Variants in CFAP47 observed in about 807,000 individuals in gnomAD.
CFAP47 encodes cilia- and flagella-associated protein 47.
In CFAP47, 29 loss-of-function variants were observed where a neutral mutation model predicts 148.1. That is an observed-to-expected ratio of 0.20 (90% CI 0.15 to 0.27). The LOEUF (loss-of-function observed/expected upper bound fraction) is 0.27. Among genes scored for constraint, CFAP47 ranks in the 10% least tolerant of loss-of-function variants. The pLI is 1.00. For missense variants in CFAP47, 1,872 were observed against 1,697.5 expected, an observed-to-expected ratio of 1.10 and a Z score of -1.81; for synonymous variants, 664 against 577.3, an observed-to-expected ratio of 1.15 and a Z score of -2.15.
chrX:35,951,961 A>T lies in CFAP47; in HGVS notation c.1044A>T (p.Pro348=). The change falls in exon 6 of 64, where the codon CCA becomes CCT. Residue 348 remains proline (P), a splice_region_variant and synonymous_variant. Coordinates refer to ENST00000378653, the MANE Select transcript of CFAP47 (RefSeq NM_001304548.2). ...QKTVITFCFT[P]KLMAVGKKDI... ...CTGTAATTACATTTTGTTTCACCCC[A>T]AAGTAAGCAAAAATTAATTTCATTG... 1 of 1,153,374 alleles carries T rather than the reference A, an allele frequency of 8.7e-7. No individual in the cohort carries two copies. The highest frequency in any genetic ancestry group is 1.1e-6 in the Non-Finnish European group (1 of 875,021).
intron 42 of CFAP47, among the ~76,000 whole-genome samples, chrX:36,198,512 T>C (rs781882138): frequency 3.6e-5 from 4 of 112,186 alleles, no homozygotes; most frequent in Non-Finnish European, 7.5e-5. Flanking sequence ...AATTCTCTCC[T>C]GGATCAGGAA....
intron 29 of CFAP47, among the ~76,000 whole-genome samples, chrX:36,081,958 A>G (rs1489069037): frequency 8.9e-6 from 1 of 111,872 alleles, no homozygotes; most frequent in Non-Finnish European, 1.9e-5. Flanking sequence ...ACTGCTATTC[A>G]AAATAGTATG....
chrX:36,214,427 G>A (rs919414246), intron 45 of CFAP47, among the ~76,000 whole-genome samples: 4 of 110,457 alleles, frequency 3.6e-5, no homozygotes, highest in Non-Finnish European at 7.6e-5. Flanking sequence ...CTGATACTTA[G>A]GCTACACTAA....
chrX:35,943,763 C>T (rs1165644730), intron 3 of CFAP47, among the ~76,000 whole-genome samples: 1 of 111,224 alleles, frequency 9.0e-6, no homozygotes, highest in African/African-American at 3.3e-5. Context: ...TTTAGCATGC[C>T]TTGAATTAAA....
chrX:35,923,648 C>T (rs1372369820), intron 1 of CFAP47, among the ~76,000 whole-genome samples: 1 of 108,765 alleles, frequency 9.2e-6, no homozygotes, highest in Non-Finnish European at 1.9e-5. Flanking sequence ...GGTGAAACCC[C>T]GTCTCTATTA....
chrX:36,193,146 G>A (rs1233238388), intron 42 of CFAP47, among the ~76,000 whole-genome samples: 1 of 111,611 alleles, frequency 9.0e-6, no homozygotes, highest in Non-Finnish European at 1.9e-5. Context: ...TCCTGTGTCT[G>A]GTGATGCAGA....
At chrX:36,249,211 TAAATC>T (rs1305056161) in intron 48 of CFAP47, among the ~76,000 whole-genome samples, 1 of 109,417 alleles carries the variant, frequency 9.1e-6, no homozygotes, top group Non-Finnish European at 1.9e-5. Context: ...ATATGGAAAA[TAAATC>T]AATAGAGAAA....
intron 35 of CFAP47, 134 bp downstream of exon 35, chrX:36,138,598 A>C: frequency 1.5e-6 from 1 of 684,727 alleles, no homozygotes; most frequent in Non-Finnish European, 2.0e-6. Context: ...CATTGCTAAA[A>C]TGTAGAAATT....
intron 29 of CFAP47, among the ~76,000 whole-genome samples, chrX:36,080,638 G>T (rs1937959334): frequency 9.0e-6 from 1 of 111,553 alleles, no homozygotes; most frequent in African/African-American, 3.3e-5. Flanking sequence ...CAGCAACATG[G>T]ATGAAGCTGG....
At chrX:36,183,973 A>G (rs766468716) in intron 40 of CFAP47, among the ~76,000 whole-genome samples, 12 of 110,905 alleles carry the variant, frequency 1.1e-4, no homozygotes, top group Non-Finnish European at 2.1e-4. Context: ...TATTCTTATT[A>G]AGTGGCAACT....
chrX:36,050,040 T>A (rs1446597190), intron 26 of CFAP47, among the ~76,000 whole-genome samples: 1 of 111,960 alleles, frequency 8.9e-6, no homozygotes, highest in Non-Finnish European at 1.9e-5. Flanking sequence ...CTTTCTGCCA[T>A]GATTGCGAGG....
intron 49 of CFAP47, among the ~76,000 whole-genome samples, chrX:36,279,848 A>G (rs782424891): frequency 1.8e-5 from 2 of 109,716 alleles, no homozygotes; most frequent in African/African-American, 6.6e-5. Context: ...GGGATTACAG[A>G]TGTGTGCCAC....
intron 1 of CFAP47, among the ~76,000 whole-genome samples, chrX:35,925,720 G>T: frequency 8.9e-6 from 1 of 111,902 alleles, no homozygotes. Flanking sequence ...ACAATGGCAC[G>T]ACCTCGGCTC....
chrX:36,163,982 T>G lies in CFAP47; in HGVS notation c.6026+3213T>G, dbSNP rs139662194. On this transcript the variant is annotated intron_variant, in intron 39 of 63. Coordinates refer to ENST00000378653, the MANE Select transcript of CFAP47 (RefSeq NM_001304548.2). ...GTTATTTCGGAGTATGTTGTTTAAT[T>G]TCCCCATGTTTGTTAATTTTCAACT... Among the ~76,000 whole-genome samples, 654 of 112,298 alleles carry G rather than the reference T, an allele frequency of 5.8e-3. 2 individuals are homozygous for G. Among genetic ancestry groups the G allele is most frequent in the African/African-American group, 0.021 (638 of 30,989 alleles).
intron 42 of CFAP47, among the ~76,000 whole-genome samples, chrX:36,192,213 G>A (rs924504609): frequency 4.5e-5 from 5 of 111,323 alleles, no homozygotes; most frequent in Non-Finnish European, 9.4e-5. Flanking sequence ...AGTGTTCATA[G>A]AAATTCTTAA....
intron 2 of CFAP47, among the ~76,000 whole-genome samples, chrX:35,939,308 T>C (rs1293637761): frequency 4.6e-5 from 5 of 109,403 alleles, no homozygotes; most frequent in Non-Finnish European, 9.5e-5. Context: ...TTTATTATTA[T>C]TATACTTTAA....
chrX:36,108,020 T>C (rs930176929), intron 33 of CFAP47, among the ~76,000 whole-genome samples: 4 of 111,597 alleles, frequency 3.6e-5, no homozygotes, highest in Admixed American at 9.5e-5. Context: ...GCTTAAAAAT[T>C]ACAAGCTTTT....
At chrX:35,967,587 C>T in intron 9 of CFAP47, 32 bp from the exon 10 acceptor site, 1 of 1,026,982 alleles carries the variant, frequency 9.7e-7, no homozygotes, top group Non-Finnish European at 1.3e-6. Flanking sequence ...TTAAAAATAC[C>T]ATCTATAAAC....
chrX:36,230,686 A>C (rs1555992389), intron 46 of CFAP47, among the ~76,000 whole-genome samples: 1 of 109,972 alleles, frequency 9.1e-6, no homozygotes, highest in Non-Finnish European at 1.9e-5. Context: ...GTCCTTGCCC[A>C]CGCCTATGTC....
Sources: allele counts gnomAD v4.1 joint callset (sites outside exome capture counted in the v4.1 genomes callset), GRCh38; gene constraint gnomAD v4.1.1; transcripts MANE v1.5; gene names NCBI Gene and HGNC (gene_info 2026-07-23, HGNC 2026-07-21).